The following SIPA1L1 variants were observed in gnomAD, a reference collection of about 807,000 sequenced individuals.
SIPA1L1 encodes the protein signal-induced proliferation-associated 1-like protein 1.
Under a neutral mutation model 162.7 loss-of-function variants are expected in SIPA1L1, and 26 were observed. That is an observed-to-expected ratio of 0.16 (90% CI 0.12 to 0.22). The LOEUF is 0.22. SIPA1L1 is among the 10% of genes least tolerant of loss of function. The pLI is 1.00. For missense variants in SIPA1L1, 1,874 were observed against 2,241.0 expected (o/e 0.84, Z 3.31); for synonymous variants, 829 against 837.4 (o/e 0.99, Z 0.17).
intron 17 of SIPA1L1, among the ~76,000 whole-genome samples, chr14:71,722,197 G>T (rs2083802560): frequency 6.6e-6 from 1 of 152,196 alleles, no homozygotes; most frequent in Admixed American, 6.5e-5. Context: ...CCCTTGATAT[G>T]ATGTGACAAG....
At chr14:71,440,398 A>G (rs918181788) in intron 2 of SIPA1L1, among the ~76,000 whole-genome samples, 3 of 152,004 alleles carry the variant, frequency 2.0e-5, no homozygotes, top group African/African-American at 7.3e-5. Context: ...CATGCTTGTA[A>G]TCTCAGCATT....
chr14:71,325,642 A>T (rs747417819), intron 2 of SIPA1L1, among the ~76,000 whole-genome samples: 1 of 152,224 alleles, frequency 6.6e-6, no homozygotes, highest in African/African-American at 2.4e-5. Context: ...TAGAGAGATG[A>T]CACCAAAATG....
intron 22 of SIPA1L1, among the ~76,000 whole-genome samples, chr14:71,736,762 C>T (rs2085330501): frequency 6.6e-6 from 1 of 152,198 alleles, no homozygotes; most frequent in Non-Finnish European, 1.5e-5. Flanking sequence ...TGAGCCAAGA[C>T]TGTTTTCCTG....
rs141946329 is a variant in SIPA1L1 at position 71,741,200 on chromosome 14, A to G, written c.*2039A>G. The G allele has an allele frequency of 6.6e-6, 1 of 152,144 alleles. No homozygotes were observed. Among genetic ancestry groups the G allele is most frequent in the African/African-American group, 2.4e-5 (1 of 41,502 alleles). The allele number at this position is 152,144 out of a possible 1,614,324, so 9.4% of individuals were successfully genotyped here. On this transcript the variant is annotated 3_prime_UTR_variant, in exon 24 of 24. Transcript: ENST00000381232. The stretch of plus-strand genomic sequence containing the variant: ...TCTCAGAATGTTAATAAACTTTTTT[A>G]CTCTGTCCACATGTCGATAGAGAAT...
chr14:71,617,952 T>C (rs1412329541), intron 5 of SIPA1L1, among the ~76,000 whole-genome samples: 1 of 152,234 alleles, frequency 6.6e-6, no homozygotes, highest in African/African-American at 2.4e-5. Flanking sequence ...AAGATGTATA[T>C]GCACAGTAAA....
rs573262038 is a variant in SIPA1L1 at position 71,580,220 on chromosome 14, A to T, written c.-302-7351A>T. On this transcript the variant is annotated intron_variant, in intron 4 of 23. Transcript: ENST00000381232. ...ATTCCTTGAGCCACTGATACCACGT[A>T]GCACTTTAGTAAAGCTCTCCAGGGT... Among the ~76,000 whole-genome samples, 17 of 152,358 alleles carry T rather than the reference A, an allele frequency of 1.1e-4. No individual in the cohort carries two copies. In the East Asian group the frequency reaches 3.1e-3, roughly 28 times the overall value.
chr14:71,536,948 T>A (rs554575438), intron 4 of SIPA1L1, among the ~76,000 whole-genome samples: 2 of 152,328 alleles, frequency 1.3e-5, no homozygotes, highest in East Asian at 3.9e-4. Flanking sequence ...TTCTTGCCTG[T>A]TTTTCTTTTA....
At chr14:71,728,382 A>G (rs1438460888) in intron 19 of SIPA1L1, among the ~76,000 whole-genome samples, 1 of 152,216 alleles carries the variant, frequency 6.6e-6, no homozygotes, top group Non-Finnish European at 1.5e-5. Context: ...TTATCACAGC[A>G]ATTTAGTTTC....
intron 2 of SIPA1L1, among the ~76,000 whole-genome samples, chr14:71,464,028 C>T (rs1404770025): frequency 6.6e-6 from 1 of 152,194 alleles, no homozygotes; most frequent in Non-Finnish European, 1.5e-5. Context: ...GTGCTTCCCA[C>T]CATGAGATCT....
chr14:71,341,408 A>G (rs1408497882), intron 2 of SIPA1L1, among the ~76,000 whole-genome samples: 1 of 152,168 alleles, frequency 6.6e-6, no homozygotes, highest in Non-Finnish European at 1.5e-5. Context: ...TTGCCCTAAA[A>G]TTATCGGGCT....
chr14:71,454,125 C>A (rs1460439918), intron 2 of SIPA1L1, among the ~76,000 whole-genome samples: 5 of 151,612 alleles, frequency 3.3e-5, no homozygotes, highest in African/African-American at 1.2e-4. Flanking sequence ...GGTCTGGTGC[C>A]AGGCATTGTC....
chr14:71,530,877 G>GT (rs769043172), intron 4 of SIPA1L1, among the ~76,000 whole-genome samples: 1 of 152,036 alleles, frequency 6.6e-6, no homozygotes, highest in Non-Finnish European at 1.5e-5. Flanking sequence ...ACTCAAAATC[G>GT]TAAGGGAGTT....
Position 71,338,165 on chromosome 14 carries a change from C to G in SIPA1L1, c.-465+16984C>G, listed in dbSNP as rs538691403. On this transcript the variant is annotated intron_variant, in intron 2 of 23. Coordinates refer to ENST00000381232, the MANE Select transcript of SIPA1L1 (RefSeq NM_001386936.1). ...TGGTTACCATAACACACCCTGATTT[C>G]TCCCTTCTCTGACATGTTGTTGTAT... Among the ~76,000 whole-genome samples the G allele has an allele frequency of 3.3e-5, 5 of 152,306 alleles. No homozygotes were observed. In the South Asian group the frequency reaches 1.0e-3, roughly 32 times the overall value.
intron 2 of SIPA1L1, among the ~76,000 whole-genome samples, chr14:71,331,182 G>A (rs1014885561): frequency 6.6e-6 from 1 of 152,092 alleles, no homozygotes; most frequent in Non-Finnish European, 1.5e-5. Flanking sequence ...AGTGGTCTTG[G>A]CACCCTTGCC....
At chr14:71,484,646 C>T (rs1468727167) in intron 2 of SIPA1L1, among the ~76,000 whole-genome samples, 1 of 152,138 alleles carries the variant, frequency 6.6e-6, no homozygotes, top group Non-Finnish European at 1.5e-5. Context: ...AGGTTTGAAT[C>T]TGGACGTGAT....
rs1381390710 is a variant in SIPA1L1 at position 71,485,720 on chromosome 14, A to G, written c.-464-27023A>G. 2.0e-5 allele frequency among the ~76,000 whole-genome samples: 3 copies of G among 152,144 alleles called. No individual in the cohort carries two copies. In the East Asian group the frequency reaches 5.8e-4, roughly 29 times the overall value. Reference sequence around the variant, plus strand: ...TGTAATATACTTGAATCATCCTGAAACCATTCCCTACTGCCCCCAGTGTGT... The same window carrying G: ...TGTAATATACTTGAATCATCCTGAAGCCATTCCCTACTGCCCCCAGTGTGT... On this transcript the variant is annotated intron_variant, in intron 2 of 23. Coordinates refer to ENST00000381232, the MANE Select transcript of SIPA1L1 (RefSeq NM_001386936.1).
At chr14:71,632,227 C>A (rs994615914) in intron 7 of SIPA1L1, among the ~76,000 whole-genome samples, 2 of 152,052 alleles carry the variant, frequency 1.3e-5, no homozygotes, top group East Asian at 1.9e-4. Context: ...TGGTTAGGGA[C>A]CTTGAGATCT....
intron 5 of SIPA1L1, among the ~76,000 whole-genome samples, chr14:71,610,656 A>G (rs2038102192): frequency 1.3e-5 from 2 of 152,156 alleles, no homozygotes; most frequent in African/African-American, 4.8e-5. Context: ...TAATTTTTTT[A>G]TGTACAGAAA....
chr14:71,708,015 G>GTTTTTTTTTTTTGTTTTTT (rs2082584782), intron 16 of SIPA1L1, among the ~76,000 whole-genome samples: 1 of 100,302 alleles, frequency 1.0e-5, no homozygotes, highest in African/African-American at 3.9e-5. Flanking sequence ...GTTTTTTGGT[G>GTTTTTTTTTTTTGTTTTTT]TTTTTTTTTT....
Sources: allele counts gnomAD v4.1 joint callset (sites outside exome capture counted in the v4.1 genomes callset), GRCh38; gene constraint gnomAD v4.1.1; transcripts MANE v1.5; gene names NCBI Gene and HGNC (gene_info 2026-07-23, HGNC 2026-07-21).